FAT3: variants seen among roughly 807,000 people sequenced by gnomAD.
The protein encoded by FAT3 is protocadherin Fat 3.
In FAT3, 95 loss-of-function variants were observed where a neutral mutation model predicts 310.2. That is an observed-to-expected ratio of 0.31 (90% CI 0.26 to 0.36). FAT3 has a LOEUF of 0.36. FAT3 is among the 10% of genes least tolerant of loss of function. The pLI is 1.00. For missense variants in FAT3, 5,408 were observed against 5,715.6 expected, an observed-to-expected ratio of 0.95 and a Z score of 1.74; for synonymous variants, 2,314 against 2,192.9, an observed-to-expected ratio of 1.06 and a Z score of -1.54.
intron 17 of FAT3, among the ~76,000 whole-genome samples, chr11:92,840,063 T>C (rs1350246246): frequency 1.3e-5 from 2 of 152,204 alleles, no homozygotes; most frequent in Admixed American, 6.5e-5. Flanking sequence ...ACCAGGAATA[T>C]GCCTTTGTAT....
intron 1 of FAT3, among the ~76,000 whole-genome samples, chr11:92,304,581 T>G (rs892464259): frequency 1.3e-5 from 2 of 152,126 alleles, no homozygotes; most frequent in African/African-American, 4.8e-5. Flanking sequence ...AAACCACCTC[T>G]GCAGTTGTCT....
intron 2 of FAT3, among the ~76,000 whole-genome samples, chr11:92,373,346 A>G (rs1949248671): frequency 6.6e-6 from 1 of 152,154 alleles, no homozygotes; most frequent in Non-Finnish European, 1.5e-5. Flanking sequence ...AATTTAGAGA[A>G]ATGAAATAAT....
intron 8 of FAT3, 138 bp from the exon 9 acceptor site, chr11:92,792,628 TG>T (rs1947066911): frequency 1.4e-6 from 1 of 724,736 alleles, no homozygotes; most frequent in African/African-American, 1.8e-5. Flanking sequence ...TACCATTTAC[TG>T]AGCACCTACT....
intron 3 of FAT3, among the ~76,000 whole-genome samples, chr11:92,572,816 T>A (rs1459544849): frequency 1.3e-5 from 2 of 152,200 alleles, no homozygotes; most frequent in East Asian, 3.9e-4. Flanking sequence ...AATTTAAGCA[T>A]TTGATTTCCT....
At chr11:92,863,627 A>G (rs1373633625) in intron 21 of FAT3, among the ~76,000 whole-genome samples, 2 of 152,214 alleles carry the variant, frequency 1.3e-5, no homozygotes, top group Non-Finnish European at 2.9e-5. Context: ...GTTGCTATAG[A>G]CATTTCTTAC....
intron 3 of FAT3, among the ~76,000 whole-genome samples, chr11:92,682,907 G>C (rs182286790): frequency 2.2e-4 from 34 of 152,068 alleles, no homozygotes; most frequent in African/African-American, 8.0e-4. Context: ...GCAAAACCCA[G>C]TCTCTACTAA....
At chr11:92,424,262 CT>C (rs555195031) in intron 2 of FAT3, among the ~76,000 whole-genome samples, 68 of 152,216 alleles carry the variant, frequency 4.5e-4, no homozygotes, top group Admixed American at 1.2e-3. Context: ...TGATGTCTCA[CT>C]TTGCTAATTT....
In FAT3 at chr11:92,803,156, A is replaced by G. The variant is rs150620185; in HGVS notation, c.8896+1247A>G. On this transcript the variant is annotated intron_variant, in intron 10 of 27. Coordinates refer to ENST00000525166, the MANE Select transcript of FAT3 (RefSeq NM_001367949.2). The stretch of plus-strand genomic sequence containing the variant: ...AAAAAAAGCTTCTTAGGCATTCTGA[A>G]GGGTCCTTTTCTATTTGGAGAAACT... Among the ~76,000 whole-genome samples, 137 of 152,282 alleles carry G rather than the reference A, an allele frequency of 9.0e-4. 4 individuals carry two copies. The East Asian group carries it at 0.023, about 25-fold the overall frequency.
chr11:92,791,300 G>A (rs1043394263), intron 8 of FAT3, among the ~76,000 whole-genome samples: 7 of 152,144 alleles, frequency 4.6e-5, no homozygotes, highest in African/African-American at 1.7e-4. Context: ...CTGCACCCTA[G>A]GAGCTTACAC....
chr11:92,683,436 G>A (rs1050422918), intron 3 of FAT3, among the ~76,000 whole-genome samples: 5 of 152,122 alleles, frequency 3.3e-5, no homozygotes, highest in Non-Finnish European at 7.3e-5. Flanking sequence ...TCCCATCAGA[G>A]TATGGTAAAA....
At chr11:92,649,915 A>ATATATATATATG (rs1942308167) in intron 3 of FAT3, among the ~76,000 whole-genome samples, 1 of 106,018 alleles carries the variant, frequency 9.4e-6, no homozygotes, top group African/African-American at 3.5e-5. Flanking sequence ...ATATATATAT[A>ATATATATATATG]TGCACCTTCT....
At position 92,798,958 on chromosome 11, in the gene FAT3, T is replaced by A. The variant is rs1947252557; in HGVS notation, c.5945T>A (p.Phe1982Tyr). Residue 1982 changes from phenylalanine to tyrosine, a missense_variant, in exon 10 of 28, where the codon TTT (phenylalanine) becomes TAT (tyrosine). This residue lies in a region of FAT3 where 4,588 missense variants were observed against 4,809.8 expected (regional missense o/e 0.95). Coordinates refer to ENST00000525166, the MANE Select transcript of FAT3 (RefSeq NM_001367949.2). ...GAAGCCATGGACAGCGGCCTCCACT[T>A]TACACAAAGCTTCTATTCCACCTCA... ...VKEAMDSGLH[F>Y]TQSFYSTSIS... 1 of 1,613,828 alleles carries A rather than the reference T, an allele frequency of 6.2e-7. No homozygotes were observed. Among genetic ancestry groups the A allele is most frequent in the African/African-American group, 1.3e-5 (1 of 74,916 alleles).
intron 1 of FAT3, among the ~76,000 whole-genome samples, chr11:92,348,665 A>G (rs1466049515): frequency 1.3e-5 from 2 of 152,186 alleles, no homozygotes; most frequent in South Asian, 2.1e-4. Context: ...AGCGTGTTTC[A>G]GTTTGGTATT....
intron 2 of FAT3, chr11:92,403,336 G>A (rs1184613287): frequency 6.6e-6 from 1 of 152,014 alleles, no homozygotes; most frequent in Non-Finnish European, 1.5e-5. Context: ...TTTAATTCAA[G>A]GATTTTTCAC....
At chr11:92,395,300 T>C (rs761505892) in intron 2 of FAT3, among the ~76,000 whole-genome samples, 2 of 152,192 alleles carry the variant, frequency 1.3e-5, no homozygotes, top group Non-Finnish European at 2.9e-5. Context: ...CTATCATATA[T>C]AGTGGGTGCT....
At chr11:92,293,512 TTATATATATATATATATATATATATATA>T (rs1195340265) in intron 1 of FAT3, among the ~76,000 whole-genome samples, 4 of 67,892 alleles carry the variant, frequency 5.9e-5, no homozygotes, top group Admixed American at 1.8e-4. Context: ...GAACCTCAGA[TTATATATATATATATATATATATATATA>T]TATATATATA....
chr11:92,853,195 G>A (rs76027457), intron 19 of FAT3, among the ~76,000 whole-genome samples: 4,264 of 152,310 alleles, frequency 0.028, 108 homozygotes, highest in African/African-American at 0.073. Flanking sequence ...CATGGGGTTC[G>A]GCCACTGTGC....
Position 92,840,704 on chromosome 11 carries a change from G to C in FAT3, c.10511G>C (p.Arg3504Pro). 1 of 1,607,996 alleles carries C rather than the reference G, an allele frequency of 6.2e-7. No individual in the cohort carries two copies. The highest frequency in any genetic ancestry group is 1.3e-5 in the African/African-American group (1 of 74,908). Residue 3504 changes from arginine (R) to proline (P), a missense_variant, in exon 18 of 28, where the codon CGG becomes CCG. Physicochemically the swap from Arg to Pro is moderately radical, Grantham distance 103. Around this residue, in one of 5 missense-constraint regions of FAT3, gnomAD observed 4,588 missense variants for 4,809.8 expected, o/e 0.95. Coordinates refer to ENST00000525166, the MANE Select transcript of FAT3 (RefSeq NM_001367949.2). The stretch of plus-strand genomic sequence containing the variant: ...GTGTTGGACCCTCATGGGATCTTGC[G>C]GTCGGCTGTGGTCTTCCAGCACACA... ...EFVLDPHGIL[R>P]SAVVFQHTES...
chr11:92,310,113 T>C (rs7115186), intron 1 of FAT3, among the ~76,000 whole-genome samples: 11,924 of 152,220 alleles, frequency 0.078, 1,522 homozygotes, highest in African/African-American at 0.27. Flanking sequence ...TTTCCTGGAC[T>C]AGTAAAGAAA....
Sources: allele counts gnomAD v4.1 joint callset (sites outside exome capture counted in the v4.1 genomes callset), GRCh38; gene constraint gnomAD v4.1.1; regional missense constraint gnomAD v4.1.1; transcripts MANE v1.5; gene names NCBI Gene and HGNC (gene_info 2026-07-23, HGNC 2026-07-21).